The following CCDC171 variants were observed in gnomAD, a reference collection of about 807,000 sequenced individuals.
CCDC171 encodes coiled-coil domain containing 171, also known as coiled-coil domain-containing protein 171.
Under a neutral mutation model 168.2 loss-of-function variants are expected in CCDC171, and 177 were observed. The observed-to-expected ratio is 1.05, with a 90% CI of 0.93 to 1.19. The LOEUF (loss-of-function observed/expected upper bound fraction) is 1.19. Ranked by LOEUF, CCDC171 falls within the 50% of genes most tolerant of loss-of-function variation. The probability of loss-of-function intolerance (pLI) is 0.00; values close to 1 mark genes in which losing one functional copy is unlikely to be tolerated. For synonymous variants in CCDC171, 687 were observed against 540.8 expected (o/e 1.27, Z -3.75); for missense variants, 1,991 against 1,539.0 (o/e 1.29, Z -4.91).
intron 25 of CCDC171, among the ~76,000 whole-genome samples, chr9:15,945,656 T>C (rs1453122032): frequency 2.0e-5 from 3 of 146,420 alleles, no homozygotes; most frequent in African/African-American, 4.9e-5. Context: ...TTTCATGTGT[T>C]TTTTGGCTGC....
At chr9:15,823,573 C>T (rs2059887680) in intron 21 of CCDC171, among the ~76,000 whole-genome samples, 1 of 152,000 alleles carries the variant, frequency 6.6e-6, no homozygotes, top group African/African-American at 2.4e-5. Flanking sequence ...CATAATATTG[C>T]TTACATTGTA....
intron 24 of CCDC171, among the ~76,000 whole-genome samples, chr9:15,918,969 C>A (rs1403960664): frequency 6.6e-6 from 1 of 151,620 alleles, no homozygotes; most frequent in Non-Finnish European, 1.5e-5. Context: ...TACTCACTAT[C>A]CCTGAAGCTC....
At chr9:15,670,022 TCTC>T (rs148459142) in intron 9 of CCDC171, among the ~76,000 whole-genome samples, 3,179 of 151,070 alleles carry the variant, frequency 0.021, 112 homozygotes, top group African/African-American at 0.073. Context: ...CAAACTTACT[TCTC>T]CTCTCTTCCC....
At chr9:16,018,454 G>A (rs1833085604) in intron 3 of CCDC171, among the ~76,000 whole-genome samples, 1 of 152,168 alleles carries the variant, frequency 6.6e-6, no homozygotes, top group South Asian at 2.1e-4. Flanking sequence ...ACAGCAGCAT[G>A]CTAATTCAAA....
intron 3 of CCDC171, among the ~76,000 whole-genome samples, chr9:15,991,363 G>T (rs1832192292): frequency 6.6e-6 from 1 of 151,200 alleles, no homozygotes; most frequent in Admixed American, 6.6e-5. Context: ...CAGAAATAAA[G>T]ATGTTCTTTG....
intron 7 of CCDC171, among the ~76,000 whole-genome samples, chr9:15,639,628 T>C (rs989129924): frequency 6.6e-6 from 1 of 152,158 alleles, no homozygotes. Flanking sequence ...TGTCAGCCTA[T>C]TGTCCTCATA....
intron 1 of CCDC171, among the ~76,000 whole-genome samples, chr9:16,043,983 C>A (rs776072311): frequency 2.0e-5 from 3 of 152,166 alleles, no homozygotes; most frequent in Non-Finnish European, 4.4e-5. Context: ...TCAGCAGTCA[C>A]CAGGGAAAAC....
the CCDC171 span, among the ~76,000 whole-genome samples, chr9:16,093,936 G>C: frequency 6.6e-6 from 1 of 152,138 alleles, no homozygotes; most frequent in African/African-American, 2.4e-5. Flanking sequence ...CGCTTCTATG[G>C]CCCCCCACTG....
At chr9:16,006,257 G>A (rs1399182252) in intron 3 of CCDC171, among the ~76,000 whole-genome samples, 1 of 152,112 alleles carries the variant, frequency 6.6e-6, no homozygotes, top group Non-Finnish European at 1.5e-5. Context: ...CCTAACACTT[G>A]TTATTATCTG....
At chr9:15,937,805 G>A (rs544372335) in intron 25 of CCDC171, among the ~76,000 whole-genome samples, 9 of 151,962 alleles carry the variant, frequency 5.9e-5, no homozygotes, top group Admixed American at 2.0e-4. Flanking sequence ...GGTGGTCAAG[G>A]CACATCTTTT....
chr9:15,986,531 C>G (rs1927700), intron 3 of CCDC171, among the ~76,000 whole-genome samples: 14 of 152,098 alleles, frequency 9.2e-5, no homozygotes, highest in African/African-American at 3.4e-4. Context: ...AAAAACTAAC[C>G]TGCTCTCGTA....
At chr9:15,735,859 G>A (rs2054461064) in intron 16 of CCDC171, among the ~76,000 whole-genome samples, 1 of 152,156 alleles carries the variant, frequency 6.6e-6, no homozygotes, top group Admixed American at 6.5e-5. Context: ...TAATGAAATT[G>A]TGGAAGAGAC....
rs559098293 is a variant in CCDC171 at position 15,626,577 on chromosome 9, G to A, written c.822+3164G>A. Among the ~76,000 whole-genome samples, 14 of 152,216 alleles carry A rather than the reference G, an allele frequency of 9.2e-5. No individual in the cohort carries two copies. In the South Asian group the frequency reaches 2.3e-3, roughly 25 times the overall value. ...TCTGCATCTGTTGAGATAATCATGT[G>A]GTTTTTGTCTTTGGGTCTGTTTATA... On this transcript the variant is annotated intron_variant, in intron 7 of 25. Transcript: ENST00000380701.
intron 6 of CCDC171, among the ~76,000 whole-genome samples, chr9:15,597,287 A>T (rs1199844370): frequency 6.6e-6 from 1 of 152,136 alleles, no homozygotes; most frequent in Non-Finnish European, 1.5e-5. Flanking sequence ...TGGGTTTGTC[A>T]TAAAGAGCTC....
chr9:15,931,965 T>C (rs950074276), intron 25 of CCDC171, among the ~76,000 whole-genome samples: 3 of 152,132 alleles, frequency 2.0e-5, no homozygotes, highest in East Asian at 1.9e-4. Context: ...TTTATGTGTC[T>C]GTTTTTATGC....
chr9:16,053,738 C>T (rs1256581902), intron 1 of CCDC171, among the ~76,000 whole-genome samples: 1 of 152,236 alleles, frequency 6.6e-6, no homozygotes, highest in Admixed American at 6.5e-5. Flanking sequence ...GTGAGTCTGG[C>T]ACCTCAAGAT....
chr9:16,016,201 C>T (rs1006087389), intron 3 of CCDC171, among the ~76,000 whole-genome samples: 2 of 152,052 alleles, frequency 1.3e-5, no homozygotes, highest in African/African-American at 2.4e-5. Context: ...TTTTCCACAG[C>T]GGCAGTATAT....
chr9:15,788,752 A>G (rs940711629), intron 21 of CCDC171, among the ~76,000 whole-genome samples: 1 of 152,006 alleles, frequency 6.6e-6, no homozygotes. Context: ...GAAACTGCCT[A>G]TGTTGCCCAG....
chr9:16,070,435 A>T, the CCDC171 span, among the ~76,000 whole-genome samples: 1 of 152,210 alleles, frequency 6.6e-6, no homozygotes, highest in Non-Finnish European at 1.5e-5. Context: ...CCTGGCTCTC[A>T]CATTACGAGC....
Sources: allele counts gnomAD v4.1 joint callset (sites outside exome capture counted in the v4.1 genomes callset), GRCh38; gene constraint gnomAD v4.1.1; transcripts MANE v1.5; gene names NCBI Gene and HGNC (gene_info 2026-07-23, HGNC 2026-07-21).